The following FAF2 variants were observed in gnomAD, a reference collection of about 807,000 sequenced individuals.
The protein encoded by FAF2 is FAS-associated factor 2.
In FAF2, 9 loss-of-function variants were observed where a neutral mutation model predicts 62.3. The observed-to-expected ratio is 0.14, with a 90% CI of 0.09 to 0.25. The LOEUF (loss-of-function observed/expected upper bound fraction) is 0.25, where lower values mean the gene tolerates loss of function less well. Ranked by LOEUF, FAF2 falls within the 10% of genes least tolerant of loss-of-function variation. The pLI is 1.00. For missense variants in FAF2, 368 were observed against 556.2 expected (o/e 0.66, Z 3.40); for synonymous variants, 202 against 198.0 (o/e 1.02, Z -0.17).
At chr5:176,456,491 A>C (rs1758279230) in intron 1 of FAF2, among the ~76,000 whole-genome samples, 1 of 152,224 alleles carries the variant, frequency 6.6e-6, no homozygotes, top group South Asian at 2.1e-4. Context: ...AAAGATGCTC[A>C]AATCTTTAAG....
At chr5:176,485,541 G>A (rs2113736668) in intron 2 of FAF2, among the ~76,000 whole-genome samples, 1 of 152,244 alleles carries the variant, frequency 6.6e-6, no homozygotes, top group African/African-American at 2.4e-5. Flanking sequence ...TTACTACATT[G>A]AGACAAATAT....
At chr5:176,448,644 ACCCTAG>A (rs1440133402) in intron 1 of FAF2, among the ~76,000 whole-genome samples, 174 bp downstream of exon 1, 1 of 142,372 alleles carries the variant, frequency 7.0e-6, no homozygotes, top group African/African-American at 2.6e-5. Context: ...CCTCTGTTGG[ACCCTAG>A]CCTTCCAGCC....
intron 1 of FAF2, among the ~76,000 whole-genome samples, chr5:176,475,075 A>T (rs1758664024): frequency 6.6e-6 from 1 of 152,172 alleles, no homozygotes; most frequent in Non-Finnish European, 1.5e-5. Flanking sequence ...TAAGTGTTTC[A>T]GTATATTAAA....
At chr5:176,462,093 G>A (rs576275206) in intron 1 of FAF2, among the ~76,000 whole-genome samples, 57 of 151,938 alleles carry the variant, frequency 3.8e-4, no homozygotes, top group African/African-American at 1.4e-3. Flanking sequence ...CCTGGCCAAT[G>A]TGGTGAAACC....
intron 9 of FAF2, 113 bp from the exon 10 acceptor site, chr5:176,499,886 GTTTT>G: frequency 2.4e-6 from 3 of 1,250,720 alleles, no homozygotes; most frequent in Non-Finnish European, 2.2e-6. Flanking sequence ...TTCCTGAGAG[GTTTT>G]TCTTAGAATA....
rs547267773 is a variant in FAF2, at chr5:176,448,525, C to G, written c.63+55C>G. ...CCTCCGTGGGATGGGGAGTAGGCCC[C>G]TAGAGGAGTTCAGAACCCTCCTCAG... On this transcript the variant is annotated intron_variant, in intron 1 of 10. Coordinates refer to ENST00000261942, the MANE Select transcript of FAF2 (RefSeq NM_014613.3). The G allele has an allele frequency of 2.6e-6, 4 of 1,522,048 alleles. No homozygotes were observed. In the Admixed American group the frequency reaches 8.3e-5, roughly 32 times the overall value. 94.3% of individuals were successfully genotyped at this position (1,522,048 alleles called of 1,614,324 possible).
At chr5:176,464,425 T>TA (rs1265933193) in intron 1 of FAF2, among the ~76,000 whole-genome samples, 1 of 151,894 alleles carries the variant, frequency 6.6e-6, no homozygotes, top group East Asian at 1.9e-4. Flanking sequence ...AAGATTAAGA[T>TA]ATGGTTATAT....
At chr5:176,500,251 G>GAAC (rs1236369113) in intron 10 of FAF2, 105 bp downstream of exon 10, 1 of 1,111,104 alleles carries the variant, frequency 9.0e-7, no homozygotes. Flanking sequence ...CTGCTCTGAT[G>GAAC]AACAGGGAAC....
Position 176,489,099 on chromosome 5 carries a change from T to G in FAF2, c.344+72T>G, listed in dbSNP as rs1257998815. ...AGCTGAAATTTAGGCCAAAATAAGC[T>G]TTATGCTCTATCAATGTTGACTTAC... On this transcript the variant is annotated intron_variant, in intron 4 of 10. Transcript: ENST00000261942. The G allele has an allele frequency of 2.4e-5, 28 of 1,153,498 alleles. No individual in the cohort carries two copies. In the East Asian group the frequency reaches 6.6e-4, roughly 27 times the overall value. 71.5% of individuals were successfully genotyped at this position (1,153,498 alleles called of 1,614,324 possible).
chr5:176,471,478 G>A (rs1405813129), intron 1 of FAF2, among the ~76,000 whole-genome samples: 1 of 149,128 alleles, frequency 6.7e-6, no homozygotes, highest in Non-Finnish European at 1.5e-5. Context: ...TGCCTCCCGG[G>A]TTCAAGTGAT....
At chr5:176,479,519 A>C (rs1037994316) in intron 2 of FAF2, among the ~76,000 whole-genome samples, 1 of 152,168 alleles carries the variant, frequency 6.6e-6, no homozygotes, top group Non-Finnish European at 1.5e-5. Flanking sequence ...TTGTATATTT[A>C]GTTTTTAACC....
intron 1 of FAF2, among the ~76,000 whole-genome samples, chr5:176,454,577 G>GAAAAAAAAAAAAAAAAAAAA (rs56324116): frequency 1.0e-5 from 1 of 95,326 alleles, no homozygotes; most frequent in African/African-American, 4.3e-5. Flanking sequence ...GATTCTGTCT[G>GAAAAAAAAAAAAAAAAAAAA]AAAAAAAAAA....
intron 1 of FAF2, among the ~76,000 whole-genome samples, chr5:176,471,306 C>T (rs1758563211): frequency 6.6e-6 from 1 of 151,748 alleles, no homozygotes; most frequent in Non-Finnish European, 1.5e-5. Context: ...ATGATCATGT[C>T]ACATGTCACT....
At chr5:176,454,381 G>A (rs1758241830) in intron 1 of FAF2, among the ~76,000 whole-genome samples, 1 of 149,828 alleles carries the variant, frequency 6.7e-6, no homozygotes, top group Non-Finnish European at 1.5e-5. Flanking sequence ...GCAACAGAGT[G>A]CGACTCCGTC....
At chr5:176,496,409 A>T in intron 7 of FAF2, 77 bp from the exon 8 acceptor site, 1 of 1,182,106 alleles carries the variant, frequency 8.5e-7, no homozygotes, top group South Asian at 1.9e-5. Context: ...GTTCTCTCTC[A>T]CTCATTGTGG....
In FAF2 at chr5:176,509,966, A is replaced by G. The variant is rs1486982686; in HGVS notation, c.*3016A>G. 3 of 152,674 alleles carry G rather than the reference A, an allele frequency of 2.0e-5. No homozygotes were observed. Among genetic ancestry groups the G allele is most frequent in the African/African-American group, 7.2e-5 (3 of 41,472 alleles). 9.5% of individuals were successfully genotyped at this position (152,674 alleles called of 1,614,324 possible). On this transcript the variant is annotated 3_prime_UTR_variant, in exon 11 of 11. Coordinates refer to ENST00000261942, the MANE Select transcript of FAF2 (RefSeq NM_014613.3). ...GTGCCCCAACTTGTACTGCGCCTGA[A>G]TAGTCATGTGATAATTTACTGAAGA...
intron 2 of FAF2, among the ~76,000 whole-genome samples, chr5:176,485,892 C>A (rs1403833067): frequency 6.6e-6 from 1 of 152,190 alleles, no homozygotes; most frequent in South Asian, 2.1e-4. Context: ...CATTGAGCAA[C>A]TTTTCAGAGA....
rs370413552 is a variant in FAF2 at position 176,506,911 on chromosome 5, C to T, written c.1299C>T (p.His433=). 11 of 1,603,958 alleles carry T rather than the reference C, an allele frequency of 6.9e-6. No homozygotes were observed. The African/African-American group carries it at 1.3e-4, about 20-fold the overall frequency. ...CGCTACAGGAGGCCGGACTCAGCCA[C>T]ACAGAAGTTCTTTTTGTTCAGGACC... is the stretch of plus-strand genomic sequence containing the variant. ...PPTLQEAGLS[H]TEVLFVQDLT... The change falls in exon 11 of 11, where the codon CAC becomes CAT. Residue 433 remains histidine (H), a synonymous_variant. Transcript: ENST00000261942.
At chr5:176,484,009 A>C (rs1000057536) in intron 2 of FAF2, among the ~76,000 whole-genome samples, 3 of 151,888 alleles carry the variant, frequency 2.0e-5, no homozygotes, top group Non-Finnish European at 4.4e-5. Context: ...GGGAGGGGGA[A>C]GTTGCAGTGA....
Sources: allele counts gnomAD v4.1 joint callset (sites outside exome capture counted in the v4.1 genomes callset), GRCh38; gene constraint gnomAD v4.1.1; transcripts MANE v1.5; gene names NCBI Gene and HGNC (gene_info 2026-07-23, HGNC 2026-07-21).